Variants in TLK2 observed in about 807,000 individuals in gnomAD.
The protein encoded by TLK2 is serine/threonine-protein kinase tousled-like 2.
In TLK2, 6 loss-of-function variants were observed where a neutral mutation model predicts 117.3. That is an observed-to-expected ratio of 0.05 (90% CI 0.03 to 0.10). The LOEUF is 0.10. Among genes scored for constraint, TLK2 ranks in the 10% least tolerant of loss-of-function variants. TLK2 has a pLI of 1.00. For missense variants in TLK2, 299 were observed against 901.2 expected, an observed-to-expected ratio of 0.33 and a Z score of 8.56; for synonymous variants, 257 against 316.7, an observed-to-expected ratio of 0.81 and a Z score of 2.00.
At chr17:62,566,968 C>A (rs557700770) in intron 11 of TLK2, among the ~76,000 whole-genome samples, 1 of 152,198 alleles carries the variant, frequency 6.6e-6, no homozygotes, top group African/African-American at 2.4e-5. Flanking sequence ...TGGCTCTTGC[C>A]TGTAATCCCA....
chr17:62,573,311 T>G lies in TLK2; in HGVS notation c.1065T>G (p.Pro355=). 2 of 1,614,102 alleles carry G rather than the reference T, an allele frequency of 1.2e-6. No individual in the cohort carries two copies. The highest frequency in any genetic ancestry group is 1.7e-6 in the Non-Finnish European group (2 of 1,179,988). ...RKPPAMGQAP[P]ATNEQKQRKS... ...CTCCTGCCATGGGTCAGGCCCCTCCTGCAACCAATGAGCAGAAACAGCGGA... is the reference window on the plus strand; with the variant it reads ...CTCCTGCCATGGGTCAGGCCCCTCCGGCAACCAATGAGCAGAAACAGCGGA... Residue 355 remains proline (P), a synonymous_variant, in exon 12 of 22, where the codon CCT becomes CCG. Coordinates refer to ENST00000346027, the MANE Select transcript of TLK2 (RefSeq NM_006852.6).
At chr17:62,493,304 C>A (rs1442190318) in intron 2 of TLK2, among the ~76,000 whole-genome samples, 2 of 152,210 alleles carry the variant, frequency 1.3e-5, no homozygotes, top group African/African-American at 4.8e-5. Context: ...GTCAAAATTT[C>A]ATTTCCTTCC....
At chr17:62,586,991 C>T (rs919445464) in intron 16 of TLK2, among the ~76,000 whole-genome samples, 2 of 152,002 alleles carry the variant, frequency 1.3e-5, no homozygotes, top group Admixed American at 1.3e-4. Flanking sequence ...GCTATGTTCT[C>T]CTCCCGGTCA....
intron 13 of TLK2, 141 bp downstream of exon 13, chr17:62,576,916 G>A: frequency 1.7e-6 from 1 of 574,650 alleles, no homozygotes; most frequent in Non-Finnish European, 3.2e-6. Context: ...TCACTGTCAT[G>A]TCTTGTAGCC....
chr17:62,493,250 C>T (rs1567785211), intron 2 of TLK2, among the ~76,000 whole-genome samples: 1 of 152,216 alleles, frequency 6.6e-6, no homozygotes, highest in Non-Finnish European at 1.5e-5. Flanking sequence ...TGGCTTGTTT[C>T]ACTTAGCATA....
At chr17:62,484,909 T>A (rs895351451) in intron 2 of TLK2, among the ~76,000 whole-genome samples, 1 of 151,936 alleles carries the variant, frequency 6.6e-6, no homozygotes, top group African/African-American at 2.4e-5. Context: ...TACAAAAAAT[T>A]AGCTGAGCTT....
intron 12 of TLK2, among the ~76,000 whole-genome samples, chr17:62,576,050 G>A (rs1438399373): frequency 6.6e-6 from 1 of 152,150 alleles, no homozygotes; most frequent in Non-Finnish European, 1.5e-5. Context: ...TGAAACACAT[G>A]ACTACCCATC....
In TLK2 at chr17:62,495,853, G is replaced by A. The variant is rs562449286; in HGVS notation, c.81+14647G>A. ...TTTTTTTTTGTTTTTTAGTAGAGACGGGGTTTCACCATGTTGCCCAGGCTT... is the reference window on the plus strand; with the variant it reads ...TTTTTTTTTGTTTTTTAGTAGAGACAGGGTTTCACCATGTTGCCCAGGCTT... On this transcript the variant is annotated intron_variant, in intron 2 of 21. Transcript: ENST00000346027. Among the ~76,000 whole-genome samples the A allele has an allele frequency of 4.2e-4, 63 of 150,978 alleles. 1 individual carries two copies. The highest frequency in any genetic ancestry group is 6.9e-3 in the Middle Eastern group (2 of 290).
intron 12 of TLK2, 54 bp downstream of exon 12, chr17:62,573,421 A>G: frequency 6.3e-7 from 1 of 1,588,340 alleles, no homozygotes; most frequent in Non-Finnish European, 8.6e-7. Flanking sequence ...CCCCAAATAC[A>G]AATGTTGATT....
At position 62,565,060 on chromosome 17, in the gene TLK2, C is replaced by T. The variant is rs763721139; in HGVS notation, c.891C>T (p.Gly297=). The change falls in exon 11 of 22, where the codon GGC becomes GGT. Residue 297 remains glycine, a synonymous_variant. Transcript: ENST00000346027. ...DKSMQDRLRL[G]HFTTVRHGAS... ...GCATGCAAGACCGCTTGAGACTGGG[C>T]CACTTTACTACTGTCCGACACGGAG... 6.2e-7 allele frequency: 1 copy of T among 1,614,050 alleles called. No homozygotes were observed. Among genetic ancestry groups the T allele is most frequent in the Admixed American group, 1.7e-5 (1 of 60,000 alleles).
intron 6 of TLK2, among the ~76,000 whole-genome samples, chr17:62,533,123 T>C (rs1351217093): frequency 6.6e-6 from 1 of 151,840 alleles, no homozygotes; most frequent in African/African-American, 2.4e-5. Flanking sequence ...CTTGTGTGTT[T>C]TGGTTTTTGT....
At chr17:62,532,479 A>G (rs1448873703) in intron 6 of TLK2, among the ~76,000 whole-genome samples, 1 of 152,220 alleles carries the variant, frequency 6.6e-6, no homozygotes, top group Non-Finnish European at 1.5e-5. Context: ...TCATAGATTC[A>G]AAAACTAATT....
intron 13 of TLK2, among the ~76,000 whole-genome samples, chr17:62,576,985 TGGA>T (rs2080849745): frequency 6.7e-6 from 1 of 149,658 alleles, no homozygotes. Flanking sequence ...TTTTTTGAGT[TGGA>T]GTCTCACTGT....
At chr17:62,533,902 C>T (rs1470262504) in intron 6 of TLK2, among the ~76,000 whole-genome samples, 1 of 152,030 alleles carries the variant, frequency 6.6e-6, no homozygotes, top group East Asian at 1.9e-4. Context: ...CTTCTTTTCC[C>T]TTTTTTTCTA....
chr17:62,538,035 T>G (rs1183461767), intron 7 of TLK2, among the ~76,000 whole-genome samples: 4 of 140,392 alleles, frequency 2.8e-5, no homozygotes, highest in African/African-American at 7.9e-5. Flanking sequence ...AAATCTTTGT[T>G]TTTTTTTTTT....
chr17:62,512,414 G>A (rs2075224021), intron 2 of TLK2, among the ~76,000 whole-genome samples: 1 of 151,530 alleles, frequency 6.6e-6, no homozygotes, highest in African/African-American at 2.4e-5. Flanking sequence ...GTAGAGACGG[G>A]GTTTCTCCAC....
chr17:62,474,988 G>T (rs1457688825), upstream of TLK2, among the ~76,000 whole-genome samples: 1 of 152,176 alleles, frequency 6.6e-6, no homozygotes, highest in Non-Finnish European at 1.5e-5. Context: ...GGAGGTTGCA[G>T]TGAGCAGAGA....
chr17:62,562,668 G>C (rs776616196), intron 10 of TLK2, among the ~76,000 whole-genome samples: 2 of 152,160 alleles, frequency 1.3e-5, no homozygotes, highest in Non-Finnish European at 2.9e-5. Flanking sequence ...TCCAAGGGTT[G>C]GTGAAGATGA....
intron 20 of TLK2, among the ~76,000 whole-genome samples, chr17:62,607,587 A>G (rs781490088): frequency 9.3e-5 from 14 of 151,092 alleles, no homozygotes; most frequent in African/African-American, 1.2e-4. Flanking sequence ...AGTAACCCCA[A>G]CTCTTTCTTT....
Sources: gnomAD v4.1 joint callset for allele counts (sites outside exome capture counted in the v4.1 genomes callset) on GRCh38, gnomAD v4.1.1 for gene constraint, MANE v1.5 for transcripts, NCBI Gene and HGNC (gene_info 2026-07-23, HGNC 2026-07-21) for gene names.